Variants in ATP13A3 observed in about 807,000 individuals in gnomAD.
ATP13A3 encodes ATPase 13A3, also known as polyamine-transporting ATPase 13A3.
ATP13A3 carries 59 observed loss-of-function variants against 158.1 expected under a neutral mutation model. The observed-to-expected ratio is 0.37, with a 90% CI of 0.30 to 0.46. ATP13A3 has a LOEUF of 0.46. Among genes scored for constraint, ATP13A3 ranks in the 20% least tolerant of loss-of-function variants. ATP13A3 has a pLI of 1.00. For synonymous variants in ATP13A3, 491 were observed against 504.3 expected (o/e 0.97, Z 0.35); for missense variants, 1,166 against 1,525.2 (o/e 0.76, Z 3.92).
intron 2 of ATP13A3, among the ~76,000 whole-genome samples, chr3:194,463,781 A>C (rs962344666): frequency 2.0e-5 from 3 of 152,250 alleles, no homozygotes; most frequent in African/African-American, 7.2e-5. Flanking sequence ...ACAGCCAAGT[A>C]AAAACCAAAT....
At chr3:194,421,081 AT>A (rs1485440358) in intron 30 of ATP13A3, among the ~76,000 whole-genome samples, 2 of 116,636 alleles carry the variant, frequency 1.7e-5, no homozygotes, top group East Asian at 2.3e-4. Context: ...ATACTATATT[AT>A]TTTTATGTTT....
At chr3:194,451,491 A>G (rs1656750625) in intron 10 of ATP13A3, 2 of 152,262 alleles carry the variant, frequency 1.3e-5, no homozygotes, top group Non-Finnish European at 2.9e-5. Context: ...TGGCATCCCC[A>G]TTATATTCAG....
Position 194,427,094 on chromosome 3 carries a change from C to A in ATP13A3, c.3106G>T (p.Val1036Leu), listed in dbSNP as rs1716836120. Residue 1036 changes from valine (V) to leucine (L), a missense_variant, in exon 29 of 34, where the codon GTG (valine) becomes TTG (leucine). Val to Leu is a conservative substitution (Grantham distance 32). Transcript: ENST00000645319. ...FWVKQQPWYE[V>L]WHPKSDACNT... Reference sequence around the variant, plus strand: ...ACTTACTCTGATTTTGGATGCCACACTTCATACCAAGGTTGCTGTTTGACC... The same window carrying A: ...ACTTACTCTGATTTTGGATGCCACAATTCATACCAAGGTTGCTGTTTGACC... 1 of 1,613,092 alleles carries A rather than the reference C, an allele frequency of 6.2e-7. No homozygotes were observed. Among genetic ancestry groups the A allele is most frequent in the Non-Finnish European group, 8.5e-7 (1 of 1,179,830 alleles).
In ATP13A3 at chr3:194,460,646, AC is replaced by A. The variant is rs777271104; in HGVS notation, c.225+11del. 1.9e-6 allele frequency: 3 copies of A among 1,612,542 alleles called. No homozygotes were observed. In the South Asian group the frequency reaches 3.3e-5, roughly 18 times the overall value. ...CTTAAATAATCAGCTACAAGTAAAC[AC>A]ATAAACTTACAGTAGTCCTCAGCAG... On this transcript the variant is annotated intron_variant, in intron 4 of 33. Coordinates refer to ENST00000645319, the MANE Select transcript of ATP13A3 (RefSeq NM_001367549.1).
chr3:194,430,468 G>C (rs1285811820), intron 24 of ATP13A3, among the ~76,000 whole-genome samples, 153 bp from the exon 25 acceptor site: 1 of 152,090 alleles, frequency 6.6e-6, no homozygotes, highest in Non-Finnish European at 1.5e-5. Context: ...ATGAACACAG[G>C]TGTGCTGCTT....
At chr3:194,407,611 C>T (rs1300377066) in intron 33 of ATP13A3, among the ~76,000 whole-genome samples, 2 of 152,254 alleles carry the variant, frequency 1.3e-5, no homozygotes, top group East Asian at 3.9e-4. Context: ...TAGCTTAAGC[C>T]TGTCAACAAA....
chr3:194,487,095 A>AG (rs1463426224), upstream of ATP13A3: 2 of 137,700 alleles, frequency 1.5e-5, no homozygotes, highest in Non-Finnish European at 3.2e-5. Flanking sequence ...AGGGGCGGGG[A>AG]GGGGCGGGGC....
chr3:194,422,404 G>T (rs1716454159), intron 30 of ATP13A3, among the ~76,000 whole-genome samples: 1 of 152,176 alleles, frequency 6.6e-6, no homozygotes, highest in Non-Finnish European at 1.5e-5. Flanking sequence ...GTGTGTCACT[G>T]GTGACTGCAG....
Position 194,454,295 on chromosome 3 carries a change from A to G in ATP13A3, c.728T>C (p.Ile243Thr), listed in dbSNP as rs922402040. The change falls in exon 9 of 34, where the codon ATA becomes ACA. Residue 243 changes from isoleucine (I) to threonine (T), a missense_variant. By Grantham distance (89) the Ile-to-Thr change is moderately conservative. This residue lies in a region of ATP13A3 where 997 missense variants were observed against 1,341.2 expected (regional missense o/e 0.74). Coordinates refer to ENST00000645319, the MANE Select transcript of ATP13A3 (RefSeq NM_001367549.1). ...YYALAIVVMSIVSIVSSLYSI... is the reference protein window; with the variant it reads ...YYALAIVVMSTVSIVSSLYSI... ...ATATAGTGAGCTTACGATTGATACT[A>G]TGGACATAACCACAATAGCTAGAGC... 1.9e-6 allele frequency: 3 copies of G among 1,608,626 alleles called. No homozygotes were observed. The highest frequency in any genetic ancestry group is 1.3e-5 in the African/African-American group (1 of 74,826).
chr3:194,468,372 T>G lies in ATP13A3; in HGVS notation c.-46-6136A>C, dbSNP rs1245692750. On this transcript the variant is annotated intron_variant, in intron 2 of 33. Transcript: ENST00000645319. Reference sequence around the variant, plus strand: ...TCCTTGAATTTATAATAAACTTGATTTGCTGTGTGAGTTTAAAAAAAAAAA... The same window carrying G: ...TCCTTGAATTTATAATAAACTTGATGTGCTGTGTGAGTTTAAAAAAAAAAA... 2.1e-5 allele frequency: 3 copies of G among 141,842 alleles called. No homozygotes were observed. In the East Asian group the frequency reaches 5.8e-4, roughly 27 times the overall value. 8.8% of individuals were successfully genotyped at this position (141,842 alleles called of 1,614,324 possible). A position where few individuals can be genotyped will look rare whatever the true frequency, so the allele number is the denominator to read the frequency against.
rs577983744 is a variant in ATP13A3 at position 194,410,172 on chromosome 3, A to C, written c.3573+2027T>G. Among the ~76,000 whole-genome samples, 99 of 151,524 alleles carry C rather than the reference A, an allele frequency of 6.5e-4. 1 individual carries two copies. Among genetic ancestry groups the C allele is most frequent in the Non-Finnish European group, 9.1e-4 (62 of 67,888 alleles). ...GAAACACAAACTTCTAAAAATTAGA[A>C]GGGCAGGCCAAGCGTGGTGGCTCAC... On this transcript the variant is annotated intron_variant, in intron 33 of 33. Coordinates refer to ENST00000645319, the MANE Select transcript of ATP13A3 (RefSeq NM_001367549.1).
chr3:194,441,195 G>T (rs1718029002), intron 16 of ATP13A3, 116 bp downstream of exon 16: 1 of 775,984 alleles, frequency 1.3e-6, no homozygotes, highest in South Asian at 2.2e-5. Flanking sequence ...GCTCCTTTTA[G>T]GGTACAAGAT....
chr3:194,416,333 C>T (rs1200820775), intron 31 of ATP13A3, among the ~76,000 whole-genome samples: 1 of 152,088 alleles, frequency 6.6e-6, no homozygotes, highest in Non-Finnish European at 1.5e-5. Context: ...TGGCACACGC[C>T]TGTAATCCCA....
intron 2 of ATP13A3, among the ~76,000 whole-genome samples, chr3:194,462,728 G>T (rs2108982916): frequency 6.6e-6 from 1 of 152,288 alleles, no homozygotes; most frequent in East Asian, 1.9e-4. Context: ...ACTTGCTCAT[G>T]GGATGTATCA....
At chr3:194,406,663 T>C (rs1210324036) in intron 33 of ATP13A3, among the ~76,000 whole-genome samples, 1 of 152,222 alleles carries the variant, frequency 6.6e-6, no homozygotes, top group Non-Finnish European at 1.5e-5. Flanking sequence ...TGTCCCAAAC[T>C]ATCTTTTGGT....
At chr3:194,416,600 C>T (rs1018457214) in intron 31 of ATP13A3, among the ~76,000 whole-genome samples, 4 of 152,248 alleles carry the variant, frequency 2.6e-5, no homozygotes, top group Non-Finnish European at 4.4e-5. Context: ...ATTAGGAACA[C>T]GTCCTTTAGA....
chr3:194,455,027 T>G (rs984319966), intron 8 of ATP13A3, among the ~76,000 whole-genome samples: 7 of 152,226 alleles, frequency 4.6e-5, no homozygotes, highest in African/African-American at 1.7e-4. Flanking sequence ...GTACATTTAT[T>G]TCCAATTACT....
At chr3:194,450,050 A>G in intron 11 of ATP13A3, 95 bp downstream of exon 11, 1 of 1,308,814 alleles carries the variant, frequency 7.6e-7, no homozygotes, top group South Asian at 1.4e-5. Flanking sequence ...GAGTAAAGGT[A>G]CAAATGACAT....
chr3:194,471,060 T>C (rs1427205212), intron 2 of ATP13A3, among the ~76,000 whole-genome samples: 1 of 152,122 alleles, frequency 6.6e-6, no homozygotes, highest in Non-Finnish European at 1.5e-5. Flanking sequence ...GAATAGTTGA[T>C]TGAATATATG....
Sources: gnomAD v4.1 joint callset for allele counts (sites outside exome capture counted in the v4.1 genomes callset) on GRCh38, gnomAD v4.1.1 for gene constraint, gnomAD v4.1.1 regional missense constraint, MANE v1.5 for transcripts, NCBI Gene and HGNC (gene_info 2026-07-23, HGNC 2026-07-21) for gene names.